RDH10: variants seen among roughly 807,000 people sequenced by gnomAD.
The protein encoded by RDH10 is retinol dehydrogenase 10.
RDH10 carries 12 observed loss-of-function variants against 30.2 expected under a neutral mutation model. That is an observed-to-expected ratio of 0.40 (90% CI 0.25 to 0.64). The LOEUF (loss-of-function observed/expected upper bound fraction) is 0.64. Among genes scored for constraint, RDH10 ranks in the 30% least tolerant of loss-of-function variants. RDH10 has a pLI of 0.43. For synonymous variants in RDH10, 189 were observed against 172.2 expected (o/e 1.10, Z -0.76); for missense variants, 268 against 445.2 (o/e 0.60, Z 3.58).
chr8:73,322,713 C>T lies in RDH10; in HGVS notation c.805C>T (p.Pro269Ser). The T allele has an allele frequency of 1.2e-6, 2 of 1,614,050 alleles. No homozygotes were observed. The highest frequency in any genetic ancestry group is 1.7e-6 in the Non-Finnish European group (2 of 1,179,946). ...EIEPFLPPLK[P>S]DYCVKQAMKA... ...TGAGCCTTTTCTGCCACCTCTGAAGCCTGATTACTGTGTGAAGCAGGCCAT... is the reference window on the plus strand; with the variant it reads ...TGAGCCTTTTCTGCCACCTCTGAAGTCTGATTACTGTGTGAAGCAGGCCAT... The change falls in exon 5 of 6, where the codon CCT becomes TCT. Residue 269 changes from proline (P) to serine (S), a missense_variant. By Grantham distance (74) the Pro-to-Ser change is moderately conservative. This residue lies in a region of RDH10 where 136 missense variants were observed against 288.8 expected (regional missense o/e 0.47). Transcript: ENST00000240285.
In RDH10 at chr8:73,324,386, T is replaced by C. The variant is rs1814829601; in HGVS notation, c.*1350T>C. ...AACATTGTAAAGGTGAACTTCTACC[T>C]CTGTATCTAAATGTATACCATCCAC... On this transcript the variant is annotated 3_prime_UTR_variant, in exon 6 of 6. Coordinates refer to ENST00000240285, the MANE Select transcript of RDH10 (RefSeq NM_172037.5). 1 of 152,686 alleles carries C rather than the reference T, an allele frequency of 6.5e-6. No individual in the cohort carries two copies. Among genetic ancestry groups the C allele is most frequent in the Non-Finnish European group, 1.5e-5 (1 of 68,038 alleles). The allele number at this position is 152,686 out of a possible 1,614,324, so 9.5% of individuals were successfully genotyped here.
At chr8:73,315,157 T>C (rs1448376300) in intron 2 of RDH10, among the ~76,000 whole-genome samples, 10 of 85,518 alleles carry the variant, frequency 1.2e-4, no homozygotes, top group South Asian at 5.7e-4. Context: ...TCTCTCTCTC[T>C]CTCCCCCCAC....
At chr8:73,310,789 C>T (rs980658842) in intron 2 of RDH10, 3 of 152,068 alleles carry the variant, frequency 2.0e-5, no homozygotes, top group African/African-American at 4.8e-5. Context: ...ATCTAGGGCC[C>T]GGCAGGGGAA....
chr8:73,304,663 G>A (rs1814437758), intron 2 of RDH10, among the ~76,000 whole-genome samples: 2 of 152,172 alleles, frequency 1.3e-5, no homozygotes, highest in Admixed American at 1.3e-4. Flanking sequence ...CACTGTGCCT[G>A]GAGAGAGCCT....
At position 73,319,100 on chromosome 8, in the gene RDH10, C is replaced by T; in HGVS notation, c.530C>T (p.Thr177Ile). The change falls in exon 3 of 6, where the codon ACT becomes ATT. Residue 177 changes from threonine (T) to isoleucine (I), a missense_variant. Around this residue, in one of 4 missense-constraint regions of RDH10, gnomAD observed 136 missense variants for 288.8 expected, o/e 0.47. Transcript: ENST00000240285. ...TTGAATCTTACTTTGTTTCAGACCA[C>T]TAAGGCTTTTCTTCCTACGATGCTG... ...MVNCHAHFWT[T>I]KAFLPTMLEI... is the part of the protein sequence containing the mutation. The T allele has an allele frequency of 6.2e-7, 1 of 1,607,942 alleles. No homozygotes were observed. Among genetic ancestry groups the T allele is most frequent in the South Asian group, 1.1e-5 (1 of 90,756 alleles).
intron 4 of RDH10, 100 bp downstream of exon 4, chr8:73,321,177 A>G (rs1814764804): frequency 8.9e-7 from 1 of 1,128,820 alleles, no homozygotes; most frequent in Non-Finnish European, 1.3e-6. Context: ...CTATCATTTG[A>G]CAATCTGTGG....
intron 3 of RDH10, among the ~76,000 whole-genome samples, chr8:73,320,337 G>A (rs190623799): frequency 1.3e-5 from 2 of 151,992 alleles, no homozygotes; most frequent in Non-Finnish European, 2.9e-5. Context: ...CTTCCCCAAA[G>A]TAATATGATA....
intron 2 of RDH10, among the ~76,000 whole-genome samples, chr8:73,304,933 T>C (rs11779605): frequency 0.33 from 49,645 of 152,050 alleles, 8,104 homozygotes; most frequent in Middle Eastern, 0.35. Context: ...GTGAGTTGTG[T>C]TATTTATCTC....
intron 2 of RDH10, among the ~76,000 whole-genome samples, chr8:73,301,085 C>G (rs1181493763): frequency 8.2e-6 from 1 of 121,864 alleles, no homozygotes; most frequent in Non-Finnish European, 1.6e-5. Context: ...GAGTCTCGCT[C>G]TGTCGCCCAG....
Position 73,322,778 on chromosome 8 carries a change from C to A in RDH10, c.870C>A (p.Pro290=), listed in dbSNP as rs1414181243. ...ILTDQPMICT[P]RLMYIVTFMK... ...CTGACCAGCCCATGATCTGCACTCC[C>A]CGCCTCATGTACATCGTGACCTTCA... The change falls in exon 5 of 6, where the codon CCC becomes CCA. Residue 290 remains proline, a synonymous_variant. Transcript: ENST00000240285. The A allele has an allele frequency of 1.2e-6, 2 of 1,614,198 alleles. No homozygotes were observed. The highest frequency in any genetic ancestry group is 2.2e-5 in the South Asian group (2 of 91,086).
Position 73,295,261 on chromosome 8 carries a change from T to C in RDH10, c.-29T>C. ...TCGGGGTGGGCGCGGACGCAGGCAC[T>C]GGGCTCGTGCGGGGCCCCGGGCGTC... On this transcript the variant is annotated 5_prime_UTR_variant, in exon 1 of 6. Coordinates refer to ENST00000240285, the MANE Select transcript of RDH10 (RefSeq NM_172037.5). The C allele has an allele frequency of 6.6e-7, 1 of 1,520,716 alleles. No individual in the cohort carries two copies. Among genetic ancestry groups the C allele is most frequent in the Non-Finnish European group, 8.8e-7 (1 of 1,136,134 alleles). 94.2% of individuals were successfully genotyped at this position (1,520,716 alleles called of 1,614,324 possible).
At chr8:73,311,792 A>G (rs887923140) in intron 2 of RDH10, 2 of 152,248 alleles carry the variant, frequency 1.3e-5, no homozygotes, top group Non-Finnish European at 2.9e-5. Context: ...TTCCAGGCTT[A>G]AGTATCTTGG....
At chr8:73,310,509 T>C (rs1332450464) in intron 2 of RDH10, among the ~76,000 whole-genome samples, 1 of 152,220 alleles carries the variant, frequency 6.6e-6, no homozygotes, top group Non-Finnish European at 1.5e-5. Flanking sequence ...GAGCAGTGGC[T>C]AAGCTCGCAT....
intron 1 of RDH10, chr8:73,295,787 C>CG (rs1475920946): frequency 2.9e-6 from 3 of 1,020,518 alleles, no homozygotes; most frequent in Non-Finnish European, 3.9e-6. Context: ...GCCCTGTCCT[C>CG]GCGGAGGTTC....
At chr8:73,309,048 T>C (rs948079144) in intron 2 of RDH10, among the ~76,000 whole-genome samples, 1 of 152,118 alleles carries the variant, frequency 6.6e-6, no homozygotes, top group African/African-American at 2.4e-5. Flanking sequence ...CTTCCCACTT[T>C]TTCAATATTC....
Position 73,294,769 on chromosome 8 carries a change from T to C in RDH10, c.-521T>C, listed in dbSNP as rs1814220845. 2.8e-6 allele frequency: 1 copy of C among 362,204 alleles called. No homozygotes were observed. The highest frequency in any genetic ancestry group is 4.6e-5 in the Admixed American group (1 of 21,506). 22.4% of individuals were successfully genotyped at this position (362,204 alleles called of 1,614,324 possible). ...CGAGCGAGTCTCCCCTTCCCGGCGC[T>C]CCGCCGCCCCGCACCCCACTCTCCC... On this transcript the variant is annotated 5_prime_UTR_variant, in exon 1 of 6. Coordinates refer to ENST00000240285, the MANE Select transcript of RDH10 (RefSeq NM_172037.5).
chr8:73,298,539 TA>T (rs1814319037), intron 2 of RDH10, among the ~76,000 whole-genome samples: 1 of 152,116 alleles, frequency 6.6e-6, no homozygotes, highest in Non-Finnish European at 1.5e-5. Context: ...TTTATTTATT[TA>T]TTTTTCGAGA....
At chr8:73,318,732 T>C (rs1403452709) in intron 2 of RDH10, among the ~76,000 whole-genome samples, 1 of 152,224 alleles carries the variant, frequency 6.6e-6, no homozygotes, top group Non-Finnish European at 1.5e-5. Context: ...GATAGCTGCA[T>C]TGAAGTGTCA....
chr8:73,320,932 G>C lies in RDH10; in HGVS notation c.625G>C (p.Asp209His), dbSNP rs762557242. Residue 209 changes from aspartate to histidine, a missense_variant and splice_region_variant, in exon 4 of 6, where the codon GAT (aspartate) becomes CAT (histidine). By Grantham distance (81) the Asp-to-His change is moderately conservative. Coordinates refer to ENST00000240285, the MANE Select transcript of RDH10 (RefSeq NM_172037.5). ...CTGCTTTCTCCCCTCTTTAACTCAGGATTACTGTGCCAGTAAATTTGGAGT... is the reference window on the plus strand; with the variant it reads ...CTGCTTTCTCCCCTCTTTAACTCAGCATTACTGTGCCAGTAAATTTGGAGT... Reference protein sequence around the residue: ...LGLFSTAGVEDYCASKFGVVG... With the variant: ...LGLFSTAGVEHYCASKFGVVG... 6.2e-7 allele frequency: 1 copy of C among 1,614,014 alleles called. No homozygotes were observed. Among genetic ancestry groups the C allele is most frequent in the Non-Finnish European group, 8.5e-7 (1 of 1,179,928 alleles).
Sources: allele counts gnomAD v4.1 joint callset (sites outside exome capture counted in the v4.1 genomes callset), GRCh38; gene constraint gnomAD v4.1.1; regional missense constraint gnomAD v4.1.1; transcripts MANE v1.5; gene names NCBI Gene and HGNC (gene_info 2026-07-23, HGNC 2026-07-21).